Variants in ESPL1 observed in about 807,000 individuals in gnomAD.
The protein encoded by ESPL1 is separin.
ESPL1 carries 50 observed loss-of-function variants against 217.2 expected under a neutral mutation model. That is an observed-to-expected ratio of 0.23 (90% CI 0.18 to 0.29). The LOEUF is 0.29. Ranked by LOEUF, ESPL1 falls within the 10% of genes least tolerant of loss-of-function variation. The probability of loss-of-function intolerance (pLI) is 1.00; values close to 1 mark genes in which losing one functional copy is unlikely to be tolerated. For missense variants in ESPL1, 1,834 were observed against 2,603.0 expected (o/e 0.70, Z 6.43); for synonymous variants, 994 against 1,081.3 (o/e 0.92, Z 1.58).
chr12:53,290,499 G>A (rs767509072), intron 24 of ESPL1, 30 bp downstream of exon 24: 2 of 1,609,398 alleles, frequency 1.2e-6, no homozygotes, highest in South Asian at 1.1e-5. Flanking sequence ...GGTCAGGCCT[G>A]CTCTAGGAAT....
At position 53,276,753 on chromosome 12, in the gene ESPL1, G is replaced by C. The variant is rs761453624; in HGVS notation, c.1834G>C (p.Glu612Gln). The change falls in exon 8 of 31, where the codon GAG (glutamate) becomes CAG (glutamine). Residue 612 changes from glutamate (E) to glutamine (Q), a missense_variant. This residue lies in a region of ESPL1 where 746 missense variants were observed against 1,077.0 expected (regional missense o/e 0.69). Transcript: ENST00000257934. ...CTTCAACATCATCTGTGACCTCCTG[G>C]AGCTGAGCCCCGAGGAGACACCAGC... Reference protein sequence around the residue: ...ERFNIICDLLELSPEETPAGA... With the variant: ...ERFNIICDLLQLSPEETPAGA... 1.9e-6 allele frequency: 3 copies of C among 1,613,780 alleles called. No homozygotes were observed. The highest frequency in any genetic ancestry group is 2.5e-6 in the Non-Finnish European group (3 of 1,180,028).
intron 17 of ESPL1, 103 bp downstream of exon 17, chr12:53,284,270 CAG>C: frequency 1.3e-6 from 1 of 771,038 alleles, no homozygotes; most frequent in South Asian, 1.5e-5. Flanking sequence ...ATTTTTGAGA[CAG>C]AGTCTCACTT....
chr12:53,281,210 T>C (rs1434688249), intron 12 of ESPL1, among the ~76,000 whole-genome samples: 1 of 146,840 alleles, frequency 6.8e-6, no homozygotes, highest in African/African-American at 2.5e-5. Context: ...CGATCTCCAT[T>C]CACTGCAACC....
At chr12:53,270,277 C>A in intron 3 of ESPL1, 101 bp from the exon 4 acceptor site, 1 of 1,002,924 alleles carries the variant, frequency 1.0e-6, no homozygotes, top group Non-Finnish European at 1.6e-6. Context: ...CTTCCTCGTG[C>A]TCCCTGGGCT....
intron 4 of ESPL1, 52 bp from the exon 5 acceptor site, chr12:53,270,626 C>A (rs1012952522): frequency 3.7e-6 from 6 of 1,612,646 alleles, no homozygotes; most frequent in Non-Finnish European, 5.1e-6. Flanking sequence ...CGGTGGAGGT[C>A]ATCTTGGACC....
intron 5 of ESPL1, among the ~76,000 whole-genome samples, chr12:53,272,429 A>G (rs897505913): frequency 2.0e-5 from 3 of 152,142 alleles, no homozygotes; most frequent in African/African-American, 7.2e-5. Flanking sequence ...GGAGTCAGCC[A>G]TGTGGGTTCC....
intron 12 of ESPL1, among the ~76,000 whole-genome samples, chr12:53,280,082 A>C (rs1314937032): frequency 1.3e-5 from 2 of 152,102 alleles, no homozygotes. Context: ...AAGTTTACAG[A>C]CTGCTGCAGG....
rs1018544596 is a variant in ESPL1 at position 53,292,347 on chromosome 12, A to G, written c.5866A>G (p.Asn1956Asp). 3.1e-6 allele frequency: 5 copies of G among 1,614,112 alleles called. No individual in the cohort carries two copies. The South Asian group carries it at 4.4e-5, about 14-fold the overall frequency. Reference sequence around the variant, plus strand: ...TACCTTCTATGTCCTGAACCCTCACAATAACCTGTCAAGCACAGAGGAGCA... The same window carrying G: ...TACCTTCTATGTCCTGAACCCTCACGATAACCTGTCAAGCACAGAGGAGCA... ...RSTFYVLNPH[N>D]NLSSTEEQFR... is the part of the protein sequence containing the mutation. The change falls in exon 28 of 31, where the codon AAT becomes GAT. Residue 1956 changes from asparagine (N) to aspartate (D), a missense_variant. Transcript: ENST00000257934. The surrounding 1 kb of genome is among the most constrained non-coding windows in gnomAD (Gnocchi z 4.5).
chr12:53,289,581 T>A lies in ESPL1; in HGVS notation c.5100T>A (p.Ala1700=). The part of the protein sequence containing the change: ...PEKESFQERL[A]LIPSGVTVCV... Reference sequence around the variant, plus strand: ...AGGAGAGTTTCCAGGAGCGCCTGGCTCTGATCCCCAGTGGTATGCGGGCAG... The same window carrying A: ...AGGAGAGTTTCCAGGAGCGCCTGGCACTGATCCCCAGTGGTATGCGGGCAG... The change falls in exon 22 of 31, where the codon GCT becomes GCA. Residue 1700 remains alanine (A), a synonymous_variant. Transcript: ENST00000257934. 3 of 1,613,706 alleles carry A rather than the reference T, an allele frequency of 1.9e-6. No individual in the cohort carries two copies. Among genetic ancestry groups the A allele is most frequent in the Non-Finnish European group, 2.5e-6 (3 of 1,179,900 alleles).
Position 53,279,970 on chromosome 12 carries a change from TACC to T in ESPL1, c.2499+110_2499+112del, listed in dbSNP as rs747952299. Reference sequence around the variant, plus strand: ...TCAAAGGGGCAGCTTCTCGGCCTTTTACCACCACAACTGGCTGGAGAATTGTGG... The same window carrying T: ...TCAAAGGGGCAGCTTCTCGGCCTTTTACCACAACTGGCTGGAGAATTGTGG... On this transcript the variant is annotated intron_variant, in intron 12 of 30. Coordinates refer to ENST00000257934, the MANE Select transcript of ESPL1 (RefSeq NM_012291.5). The T allele has an allele frequency of 1.3e-4, 171 of 1,301,828 alleles. 2 individuals carry two copies. Among genetic ancestry groups the T allele is most frequent in the African/African-American group, 1.5e-4 (10 of 66,116 alleles). 80.6% of individuals were successfully genotyped at this position (1,301,828 alleles called of 1,614,324 possible).
At position 53,292,697 on chromosome 12, in the gene ESPL1, C is replaced by G; in HGVS notation, c.5996+40C>G. The G allele has an allele frequency of 6.2e-7, 1 of 1,601,320 alleles. No individual in the cohort carries two copies. Among genetic ancestry groups the G allele is most frequent in the Non-Finnish European group, 8.5e-7 (1 of 1,169,920 alleles). ...CAGGGATGTGGGGAGAGGGGCAGTC[C>G]TGAGGATGGTATCACCATGGGTTGC... On this transcript the variant is annotated intron_variant, in intron 29 of 30. Transcript: ENST00000257934. The surrounding 1 kb of genome is among the most constrained non-coding windows in gnomAD (Gnocchi z 4.5).
intron 5 of ESPL1, 27 bp from the exon 6 acceptor site, chr12:53,272,694 G>A (rs1943696302): frequency 1.2e-6 from 2 of 1,609,538 alleles, no homozygotes; most frequent in Non-Finnish European, 1.7e-6. Context: ...CTTTCCTATG[G>A]TCAATTGTGC....
Position 53,288,634 on chromosome 12 carries a change from C to T in ESPL1, c.4643C>T (p.Pro1548Leu). 1 of 1,613,966 alleles carries T rather than the reference C, an allele frequency of 6.2e-7. No homozygotes were observed. Among genetic ancestry groups the T allele is most frequent in the Non-Finnish European group, 8.5e-7 (1 of 1,180,012 alleles). ...AAGAAGAAGCTGCCCAGCCCATGCC[C>T]AGACAAGGAGAGTGACAAGGACCTT... is the stretch of plus-strand genomic sequence containing the variant. ...SSKKKLPSPC[P>L]DKESDKDLGP... Residue 1548 changes from proline to leucine, a missense_variant, in exon 20 of 31, where the codon CCA becomes CTA. Pro to Leu is a moderately conservative substitution (Grantham distance 98). Around this residue, in one of 5 missense-constraint regions of ESPL1, gnomAD observed 681 missense variants for 808.0 expected, o/e 0.84. Transcript: ENST00000257934.
rs1299201249 is a variant in ESPL1, at chr12:53,290,905, G to T, written c.5429G>T (p.Ser1810Ile). Residue 1810 changes from serine (S) to isoleucine (I), a missense_variant, in exon 25 of 31, where the codon AGT becomes ATT. Coordinates refer to ENST00000257934, the MANE Select transcript of ESPL1 (RefSeq NM_012291.5). Reference sequence around the variant, plus strand: ...TGGAAGGGGCTGCTGCTGCCGTCCAGTGAGGAGCCCGGCCCTGCCCAGGAG... The same window carrying T: ...TGGAAGGGGCTGCTGCTGCCGTCCATTGAGGAGCCCGGCCCTGCCCAGGAG... ...GCWKGLLLPS[S>I]EEPGPAQEAS... 4 of 1,607,784 alleles carry T rather than the reference G, an allele frequency of 2.5e-6. No individual in the cohort carries two copies. Among genetic ancestry groups the T allele is most frequent in the African/African-American group, 1.3e-5 (1 of 74,864 alleles).
In ESPL1 at chr12:53,282,285, C is replaced by T. The variant is rs138600534; in HGVS notation, c.2641C>T (p.Leu881=). The T allele has an allele frequency of 1.3e-5, 21 of 1,613,986 alleles. No individual in the cohort carries two copies. Among genetic ancestry groups the T allele is most frequent in the Middle Eastern group, 1.6e-4 (1 of 6,082 alleles). Residue 881 remains leucine, a synonymous_variant, in exon 14 of 31, where the codon CTG becomes TTG. Coordinates refer to ENST00000257934, the MANE Select transcript of ESPL1 (RefSeq NM_012291.5). This position sits in a 1 kb window ranked among gnomAD's most constrained non-coding sequence, Gnocchi z 4.0. ...HQKVTKGVSL[L]LSVLRDPALQ... ...TCAGGTGACCAAGGGTGTCTCTCTG[C>T]TGCTGTCTGTGCTTCGGGATCCTGC...
rs35428211 is a variant in ESPL1, at chr12:53,286,205, A to G, written c.3469A>G (p.Thr1157Ala). The change falls in exon 18 of 31, where the codon ACA becomes GCA. Residue 1157 changes from threonine to alanine, a missense_variant. Thr to Ala is a moderately conservative substitution (Grantham distance 58). Around this residue, in one of 5 missense-constraint regions of ESPL1, gnomAD observed 681 missense variants for 808.0 expected, o/e 0.84. Transcript: ENST00000257934. This position sits in a 1 kb window ranked among gnomAD's most constrained non-coding sequence, Gnocchi z 5.3. ...DCSLCASPVL[T>A]AVCLRWVLVT... ...CTCGCTCTGCGCCAGCCCTGTCCTCACAGCAGTCTGTCTGCGCTGGGTATT... is the reference window on the plus strand; with the variant it reads ...CTCGCTCTGCGCCAGCCCTGTCCTCGCAGCAGTCTGTCTGCGCTGGGTATT... 1,817 of 1,614,196 alleles carry G rather than the reference A, an allele frequency of 1.1e-3. 18 individuals carry two copies. The African/African-American group carries it at 0.021, about 19-fold the overall frequency.
At position 53,286,745 on chromosome 12, in the gene ESPL1, G is replaced by A; in HGVS notation, c.4009G>A (p.Gly1337Ser). ...PLRLNNTSQK[G>S]LEGRGLPCTP... Reference sequence around the variant, plus strand: ...GCGCCTCAATAATACCTCTCAGAAAGGTCTGGAAGGTAGAGGACTGCCCTG... The same window carrying A: ...GCGCCTCAATAATACCTCTCAGAAAAGTCTGGAAGGTAGAGGACTGCCCTG... Residue 1337 changes from glycine to serine, a missense_variant, in exon 18 of 31, where the codon GGT becomes AGT. By Grantham distance (56) the Gly-to-Ser change is moderately conservative (BLOSUM62 0). Around this residue, in one of 5 missense-constraint regions of ESPL1, gnomAD observed 681 missense variants for 808.0 expected, o/e 0.84. Coordinates refer to ENST00000257934, the MANE Select transcript of ESPL1 (RefSeq NM_012291.5). This position sits in a 1 kb window ranked among gnomAD's most constrained non-coding sequence, Gnocchi z 5.3. 6.2e-7 allele frequency: 1 copy of A among 1,614,140 alleles called. No individual in the cohort carries two copies. The highest frequency in any genetic ancestry group is 1.1e-5 in the South Asian group (1 of 91,090).
Position 53,288,258 on chromosome 12 carries a change from T to A in ESPL1, c.4463T>A (p.Ile1488Asn), listed in dbSNP as rs183442980. ...CCTGGCCCTGAGATCATGAGGACCATCCCTGAGGAAGAACTGACTGACAAC... is the reference window on the plus strand; with the variant it reads ...CCTGGCCCTGAGATCATGAGGACCAACCCTGAGGAAGAACTGACTGACAAC... ...ARPGPEIMRT[I>N]PEEELTDNWR... Residue 1488 changes from isoleucine (I) to asparagine (N), a missense_variant, in exon 19 of 31, where the codon ATC becomes AAC. This residue lies in a region of ESPL1 where 681 missense variants were observed against 808.0 expected (regional missense o/e 0.84). Transcript: ENST00000257934. 1.6e-3 allele frequency: 2,516 copies of A among 1,608,086 alleles called. 62 individuals are homozygous for A. The Admixed American group carries it at 0.04, about 26-fold the overall frequency.
chr12:53,268,509 G>A, intron 1 of ESPL1, 132 bp downstream of exon 1: 1 of 484,008 alleles, frequency 2.1e-6, no homozygotes, highest in Non-Finnish European at 3.7e-6. Flanking sequence ...CCGGGCCGCT[G>A]AAGGGCTGGG....
Sources: gnomAD v4.1 joint callset for allele counts (sites outside exome capture counted in the v4.1 genomes callset) on GRCh38, gnomAD v4.1.1 for gene constraint, gnomAD v4.1.1 regional missense constraint, Gnocchi (gnomAD v3.1) non-coding constraint, MANE v1.5 for transcripts, NCBI Gene and HGNC (gene_info 2026-07-23, HGNC 2026-07-21) for gene names.